TSPAN14: variants seen among roughly 807,000 people sequenced by gnomAD.
TSPAN14 encodes the protein tetraspanin-14.
A neutral mutation model predicts 36.6 loss-of-function variants in TSPAN14; 16 were observed. That is an observed-to-expected ratio of 0.44 (90% CI 0.30 to 0.66). The LOEUF is 0.66. Ranked by LOEUF, TSPAN14 falls within the 30% of genes least tolerant of loss-of-function variation. The pLI is 0.12. For synonymous variants in TSPAN14, 139 were observed against 143.8 expected (o/e 0.97, Z 0.24); for missense variants, 231 against 355.1 (o/e 0.65, Z 2.81).
chr10:80,499,666 C>T (rs1438252661), intron 2 of TSPAN14, among the ~76,000 whole-genome samples: 1 of 152,176 alleles, frequency 6.6e-6, no homozygotes, highest in Non-Finnish European at 1.5e-5. Context: ...CCAAATTGCT[C>T]TACATTTGAG....
chr10:80,473,004 T>C (rs1033588397), intron 1 of TSPAN14, among the ~76,000 whole-genome samples: 1 of 152,320 alleles, frequency 6.6e-6, no homozygotes, highest in Admixed American at 6.5e-5. Context: ...TGGTTTTTAG[T>C]GTGCACCTTG....
intron 5 of TSPAN14, among the ~76,000 whole-genome samples, chr10:80,511,461 C>A (rs866788136): frequency 1.3e-5 from 2 of 152,112 alleles, no homozygotes; most frequent in African/African-American, 4.8e-5. Flanking sequence ...GAGGGGGCCA[C>A]AAAGGAGAGG....
intron 1 of TSPAN14, among the ~76,000 whole-genome samples, chr10:80,458,451 T>C (rs140399655): frequency 1.1e-4 from 16 of 152,294 alleles, no homozygotes; most frequent in African/African-American, 2.9e-4. Context: ...GCAGACACTG[T>C]TGGAGGTGGT....
chr10:80,503,640 G>A (rs1037681615), intron 2 of TSPAN14, among the ~76,000 whole-genome samples: 1 of 152,102 alleles, frequency 6.6e-6, no homozygotes, highest in African/African-American at 2.4e-5. Context: ...TTCTGAAAGT[G>A]ATCTGTGATC....
chr10:80,507,125 G>A (rs1840344851), intron 3 of TSPAN14, 103 bp from the exon 4 acceptor site: 4 of 1,454,584 alleles, frequency 2.7e-6, no homozygotes, highest in African/African-American at 2.8e-5. Flanking sequence ...GGCTGAGCCT[G>A]GGGAAGCAAG....
intron 1 of TSPAN14, among the ~76,000 whole-genome samples, chr10:80,468,953 G>A (rs1021925048): frequency 6.6e-6 from 1 of 152,152 alleles, no homozygotes; most frequent in Non-Finnish European, 1.5e-5. Context: ...TGGTTTTGCA[G>A]TCTTTACCCA....
At chr10:80,502,209 G>T (rs1848559233) in intron 2 of TSPAN14, among the ~76,000 whole-genome samples, 1 of 152,210 alleles carries the variant, frequency 6.6e-6, no homozygotes, top group South Asian at 2.1e-4. Flanking sequence ...TGTCAGGGTG[G>T]CCCAGGGAGT....
Position 80,514,149 on chromosome 10 carries a change from T to C in TSPAN14, c.621+86T>C, listed in dbSNP as rs535878849. The C allele has an allele frequency of 6.6e-5, 87 of 1,317,574 alleles. No homozygotes were observed. The Middle Eastern group carries it at 7.2e-4, about 11-fold the overall frequency. The allele number at this position is 1,317,574 out of a possible 1,614,324, so 81.6% of individuals were successfully genotyped here. ...CATTCTGATTTAGCACGAGTGCAAA[T>C]TGAAGTGGGAAAACTCAGGGCAGTG... On this transcript the variant is annotated intron_variant, in intron 7 of 8. Transcript: ENST00000429989.
chr10:80,464,885 A>T (rs1846157801), intron 1 of TSPAN14, among the ~76,000 whole-genome samples: 1 of 152,092 alleles, frequency 6.6e-6, no homozygotes. Context: ...AGGGAACTAG[A>T]GAAGGAGGAG....
At chr10:80,518,072 C>G (rs1395848938) in exon 9 of TSPAN14, 3 of 1,292,312 alleles carry the variant, frequency 2.3e-6, no homozygotes, top group African/African-American at 1.5e-5. Context: ...AGCCGACACC[C>G]CCAGAGCCAG....
Position 80,455,790 on chromosome 10 carries a change from C to T in TSPAN14, c.-18+1419C>T, listed in dbSNP as rs572906106. Among the ~76,000 whole-genome samples the T allele has an allele frequency of 7.5e-4, 114 of 152,184 alleles. 1 individual carries two copies. Among genetic ancestry groups the T allele is most frequent in the Non-Finnish European group, 1.4e-3 (98 of 67,978 alleles). On this transcript the variant is annotated intron_variant, in intron 1 of 8. Transcript: ENST00000429989. The stretch of plus-strand genomic sequence containing the variant: ...CTATCCCCTTAGCTGCTGGTGTGAT[C>T]ATAGCCTCAAATTGCTGGGCTCAAG...
At chr10:80,504,593 C>G (rs556488331) in intron 2 of TSPAN14, 135 bp from the exon 3 acceptor site, 2 of 951,122 alleles carry the variant, frequency 2.1e-6, no homozygotes, top group Non-Finnish European at 3.3e-6. Flanking sequence ...CTGTCATCTG[C>G]GGGGCCTGAG....
rs1847788881 is a variant in TSPAN14 at position 80,489,167 on chromosome 10, A to G, written c.-17-50A>G. On this transcript the variant is annotated intron_variant, in intron 1 of 8. Transcript: ENST00000429989. ...CCGCATATGAGCTGGTTTGGGGGAA[A>G]GGTTTTAACGCTGAGCCTGCCATCT... The G allele has an allele frequency of 3.2e-6, 4 of 1,267,802 alleles. No individual in the cohort carries two copies. The East Asian group carries it at 7.6e-5, about 24-fold the overall frequency. 78.5% of individuals were successfully genotyped at this position (1,267,802 alleles called of 1,614,324 possible).
At chr10:80,477,122 CCTG>C (rs2131985708) in intron 1 of TSPAN14, among the ~76,000 whole-genome samples, 1 of 152,352 alleles carries the variant, frequency 6.6e-6, no homozygotes, top group East Asian at 1.9e-4. Flanking sequence ...TGCATCAAAT[CCTG>C]CTGCTGCTTC....
At chr10:80,506,092 CTCCCAA>C in intron 3 of TSPAN14, among the ~76,000 whole-genome samples, 1 of 152,352 alleles carries the variant, frequency 6.6e-6, no homozygotes, top group African/African-American at 2.4e-5. Context: ...GTGCCTCACC[CTCCCAA>C]ATAGCTGGGA....
intron 1 of TSPAN14, among the ~76,000 whole-genome samples, chr10:80,463,548 C>T (rs1846088163): frequency 6.6e-6 from 1 of 152,168 alleles, no homozygotes; most frequent in Admixed American, 6.5e-5. Flanking sequence ...AGGATTGTTC[C>T]ATTTTAGCAC....
Position 80,509,713 on chromosome 10 carries a change from G to A in TSPAN14, c.450+242G>A. On this transcript the variant is annotated intron_variant, in intron 5 of 8. Coordinates refer to ENST00000429989, the Ensembl canonical transcript of TSPAN14. The surrounding 1 kb of genome is among the most constrained non-coding windows in gnomAD (Gnocchi z 4.7). ...GCAGGCAAGTCCAGCTGTACCCGAGGCCACCCACCCCCCACGTGCCCGGCC... is the reference window on the plus strand; with the variant it reads ...GCAGGCAAGTCCAGCTGTACCCGAGACCACCCACCCCCCACGTGCCCGGCC... 2.0e-6 allele frequency: 1 copy of A among 495,966 alleles called. No homozygotes were observed. The highest frequency in any genetic ancestry group is 5.4e-4 in the Middle Eastern group (1 of 1,840). The allele number at this position is 495,966 out of a possible 1,614,324, so 30.7% of individuals were successfully genotyped here. A position where few individuals can be genotyped will look rare whatever the true frequency, so the allele number is the denominator to read the frequency against.
intron 7 of TSPAN14, among the ~76,000 whole-genome samples, chr10:80,514,320 A>G (rs1840815003): frequency 6.6e-6 from 1 of 152,192 alleles, no homozygotes; most frequent in South Asian, 2.1e-4. Context: ...CTGCATTTAA[A>G]GAGGTGGGAT....
chr10:80,476,096 G>A (rs1359972378), intron 1 of TSPAN14, among the ~76,000 whole-genome samples: 1 of 152,202 alleles, frequency 6.6e-6, no homozygotes, highest in African/African-American at 2.4e-5. Context: ...GGCTGGCTGG[G>A]TGCGGGGGCT....
Sources: allele counts gnomAD v4.1 joint callset (sites outside exome capture counted in the v4.1 genomes callset), GRCh38; gene constraint gnomAD v4.1.1; non-coding constraint Gnocchi (gnomAD v3.1); transcripts MANE v1.5; gene names NCBI Gene and HGNC (gene_info 2026-07-23, HGNC 2026-07-21).